The following NTM variants were observed in gnomAD, a reference collection of about 807,000 sequenced individuals.
NTM encodes neurotrimin, also known as IgLON family member 2.
In NTM, 13 loss-of-function variants were observed where a neutral mutation model predicts 42.1. The ratio of observed to expected loss-of-function variants is 0.31; its 90% confidence interval spans 0.20 to 0.49. The LOEUF (loss-of-function observed/expected upper bound fraction) is 0.49. NTM is among the 20% of genes least tolerant of loss of function. The pLI is 0.99. For synonymous variants in NTM, 187 were observed against 179.2 expected (o/e 1.04, Z -0.35); for missense variants, 373 against 452.8 (o/e 0.82, Z 1.60).
chr11:131,916,191 G>T (rs1028053857), intron 2 of NTM, among the ~76,000 whole-genome samples: 2 of 152,232 alleles, frequency 1.3e-5, no homozygotes, highest in Non-Finnish European at 2.9e-5. Flanking sequence ...TAGCTCCTGG[G>T]TGGAAGTGAG....
At chr11:131,854,850 T>C (rs1432957314) in intron 1 of NTM, among the ~76,000 whole-genome samples, 1 of 152,064 alleles carries the variant, frequency 6.6e-6, no homozygotes, top group African/African-American at 2.4e-5. Context: ...GGGATGTAGG[T>C]TTTTCCTGGT....
At chr11:131,970,724 A>G (rs1263131410) in intron 2 of NTM, among the ~76,000 whole-genome samples, 2 of 152,072 alleles carry the variant, frequency 1.3e-5, no homozygotes, top group Non-Finnish European at 2.9e-5. Flanking sequence ...CATTATTTTT[A>G]CCACAGATGC....
At chr11:131,835,603 G>T (rs2043385734) in intron 1 of NTM, among the ~76,000 whole-genome samples, 1 of 152,074 alleles carries the variant, frequency 6.6e-6, no homozygotes, top group Admixed American at 6.6e-5. Context: ...TGCTGGTGAA[G>T]ATGTGAATTA....
chr11:132,113,230 C>T (rs1435966501), intron 2 of NTM, among the ~76,000 whole-genome samples: 1 of 152,210 alleles, frequency 6.6e-6, no homozygotes, highest in African/African-American at 2.4e-5. Context: ...CAGCGAGGCA[C>T]TTCTCCTGGG....
intron 1 of NTM, among the ~76,000 whole-genome samples, chr11:131,908,392 T>C (rs977811203): frequency 6.6e-6 from 1 of 152,240 alleles, no homozygotes; most frequent in Non-Finnish European, 1.5e-5. Flanking sequence ...GTTGTCATTA[T>C]CCATATCCCT....
chr11:131,940,811 A>G (rs2059713099), intron 2 of NTM, among the ~76,000 whole-genome samples: 1 of 152,326 alleles, frequency 6.6e-6, no homozygotes, highest in African/African-American at 2.4e-5. Flanking sequence ...TGTTGCCCTA[A>G]CATTACTACA....
intron 1 of NTM, among the ~76,000 whole-genome samples, chr11:131,465,217 C>T (rs924590689): frequency 2.6e-5 from 4 of 152,090 alleles, no homozygotes; most frequent in Admixed American, 6.5e-5. Context: ...AGCTGGGTGG[C>T]GAGGTGGAGC....
intron 1 of NTM, among the ~76,000 whole-genome samples, chr11:131,519,795 G>A (rs1021474722): frequency 5.5e-5 from 8 of 145,628 alleles, no homozygotes; most frequent in African/African-American, 2.1e-4. Context: ...GGTCTTCATA[G>A]GAGGCTGCAT....
At chr11:132,148,386 G>A (rs1324732376) in intron 3 of NTM, among the ~76,000 whole-genome samples, 1 of 152,094 alleles carries the variant, frequency 6.6e-6, no homozygotes, top group East Asian at 1.9e-4. Context: ...ATGCCCTGGT[G>A]CCACCATCTG....
chr11:131,571,762 G>C lies in NTM; in HGVS notation c.82+200874G>C, dbSNP rs146190902. Among the ~76,000 whole-genome samples, 476 of 152,316 alleles carry C rather than the reference G, an allele frequency of 3.1e-3. 5 individuals carry two copies. The highest frequency in any genetic ancestry group is 0.011 in the African/African-American group (457 of 41,568). Reference sequence around the variant, plus strand: ...TGAAACAGATCCCACAGCACAGAAGGCTGCAGTCTGAATCCTGTACTATTT... The same window carrying C: ...TGAAACAGATCCCACAGCACAGAAGCCTGCAGTCTGAATCCTGTACTATTT... On this transcript the variant is annotated intron_variant, in intron 1 of 8. Coordinates refer to ENST00000683400, the MANE Select transcript of NTM (RefSeq NM_001352005.2).
intron 2 of NTM, chr11:132,141,150 C>G (rs1437327159): frequency 6.6e-6 from 1 of 152,096 alleles, no homozygotes; most frequent in Non-Finnish European, 1.5e-5. Flanking sequence ...CTCTCTTTGC[C>G]CATCTTTAGA....
chr11:131,432,836 A>ATT (rs1565494754), intron 1 of NTM, among the ~76,000 whole-genome samples: 3 of 87,390 alleles, frequency 3.4e-5, no homozygotes, highest in African/African-American at 9.1e-5. Context: ...AAGATTTAGC[A>ATT]TTCTTTTTTT....
At chr11:131,441,390 CACA>C (rs1949615951) in intron 1 of NTM, among the ~76,000 whole-genome samples, 1 of 152,172 alleles carries the variant, frequency 6.6e-6, no homozygotes. Flanking sequence ...TTTTTTCTAG[CACA>C]ACAAGCTGTT....
At chr11:131,404,047 T>G (rs1429113819) in intron 1 of NTM, among the ~76,000 whole-genome samples, 1 of 152,092 alleles carries the variant, frequency 6.6e-6, no homozygotes, top group Non-Finnish European at 1.5e-5. Context: ...TCTCCCATAT[T>G]TAAAATGGCA....
At chr11:132,189,584 A>C (rs1368647811) in intron 3 of NTM, among the ~76,000 whole-genome samples, 2 of 152,086 alleles carry the variant, frequency 1.3e-5, no homozygotes, top group Non-Finnish European at 2.9e-5. Flanking sequence ...GCTTCATGGC[A>C]AGCAGCAAAT....
At chr11:131,435,524 T>A (rs2135940775) in intron 1 of NTM, among the ~76,000 whole-genome samples, 1 of 152,318 alleles carries the variant, frequency 6.6e-6, no homozygotes, top group South Asian at 2.1e-4. Flanking sequence ...TAAGTTGGAT[T>A]CCTAGTTATT....
chr11:132,294,647 A>G (rs961967356), intron 4 of NTM, among the ~76,000 whole-genome samples: 2 of 152,176 alleles, frequency 1.3e-5, no homozygotes, highest in African/African-American at 4.8e-5. Context: ...AGCACTGTCA[A>G]TGGCAGGCAA....
At chr11:131,472,768 TGATA>T (rs1349918432) in intron 1 of NTM, among the ~76,000 whole-genome samples, 5 of 152,114 alleles carry the variant, frequency 3.3e-5, no homozygotes, top group Admixed American at 6.5e-5. Flanking sequence ...CATACCCACT[TGATA>T]GATAAAGAAA....
At chr11:132,036,556 G>T (rs924592155) in intron 2 of NTM, among the ~76,000 whole-genome samples, 1 of 152,082 alleles carries the variant, frequency 6.6e-6, no homozygotes, top group South Asian at 2.1e-4. Context: ...TGATGAGAAG[G>T]TTCAGTAACC....
Sources: allele counts gnomAD v4.1 joint callset (sites outside exome capture counted in the v4.1 genomes callset), GRCh38; gene constraint gnomAD v4.1.1; transcripts MANE v1.5; gene names NCBI Gene and HGNC (gene_info 2026-07-23, HGNC 2026-07-21).